ACSM3: variants seen among roughly 807,000 people sequenced by gnomAD.
The protein encoded by ACSM3 is acyl-CoA synthetase medium chain family member 3.
Under a neutral mutation model 74.1 loss-of-function variants are expected in ACSM3, and 61 were observed. The ratio of observed to expected loss-of-function variants is 0.82; its 90% CI spans 0.67 to 1.02. ACSM3 has a LOEUF of 1.02. Among genes scored for constraint, ACSM3 ranks in the 50% least tolerant of loss-of-function variants. The probability of loss-of-function intolerance (pLI) is 0.00; values close to 1 mark genes in which losing one functional copy is unlikely to be tolerated. For synonymous variants in ACSM3, 213 were observed against 241.5 expected (o/e 0.88, Z 1.09); for missense variants, 660 against 697.0 (o/e 0.95, Z 0.60).
intron 7 of ACSM3, among the ~76,000 whole-genome samples, chr16:20,782,075 C>A (rs2080364370): frequency 6.6e-6 from 1 of 152,168 alleles, no homozygotes; most frequent in Admixed American, 6.5e-5. Context: ...ATGGCTTTCT[C>A]TGAGCTGAGA....
At chr16:20,714,464 G>C (rs1689923542) in intron 1 of ACSM3, among the ~76,000 whole-genome samples, 1 of 152,130 alleles carries the variant, frequency 6.6e-6, no homozygotes, top group South Asian at 2.1e-4. Flanking sequence ...GCTATGTAGA[G>C]GATTAGTTTG....
chr16:20,682,499 T>C (rs1390091929), intron 1 of ACSM3: 1 of 1,566,806 alleles, frequency 6.4e-7, no homozygotes, highest in Non-Finnish European at 8.8e-7. Flanking sequence ...TTTTGGTTTC[T>C]TTTTCACAAC....
At chr16:20,771,110 G>A (rs968252308) in intron 2 of ACSM3, among the ~76,000 whole-genome samples, 2 of 152,172 alleles carry the variant, frequency 1.3e-5, no homozygotes, top group African/African-American at 2.4e-5. Context: ...TTTTCAGGCT[G>A]GAGTGCGGTG....
At chr16:20,735,436 G>C (rs1422450396) in intron 1 of ACSM3, 1 of 146,358 alleles carries the variant, frequency 6.8e-6, no homozygotes, top group African/African-American at 2.5e-5. Context: ...AACCAGTTTT[G>C]TAACATTATT....
intron 1 of ACSM3, chr16:20,680,037 A>C (rs2079406921): frequency 6.6e-6 from 1 of 152,240 alleles, no homozygotes; most frequent in African/African-American, 2.4e-5. Flanking sequence ...AAGCATCTGT[A>C]CAAAGAACCA....
intron 1 of ACSM3, among the ~76,000 whole-genome samples, chr16:20,744,858 G>A (rs1469190577): frequency 2.6e-5 from 4 of 152,350 alleles, no homozygotes; most frequent in Non-Finnish European, 4.4e-5. Flanking sequence ...GGGCCTGCCT[G>A]ATTTGAGAAT....
chr16:20,776,608 C>T (rs958596878), intron 3 of ACSM3, among the ~76,000 whole-genome samples: 1 of 152,164 alleles, frequency 6.6e-6, no homozygotes, highest in African/African-American at 2.4e-5. Context: ...GAGCACTGTT[C>T]TAAGTTCTTT....
At position 20,797,573 on chromosome 16, in the gene ACSM3, T is replaced by C. The variant is rs1244213670; in HGVS notation, c.*601T>C. On this transcript the variant is annotated 3_prime_UTR_variant, in exon 14 of 14. Transcript: ENST00000289416. ...TATATGTAATCTAATAAATACTGTT[T>C]ACAAAAGATTACACTTGTGGTTCCT... 7.7e-7 allele frequency: 1 copy of C among 1,292,640 alleles called. No homozygotes were observed. The highest frequency in any genetic ancestry group is 1.5e-5 in the African/African-American group (1 of 65,506). The allele number at this position is 1,292,640 out of a possible 1,614,324, so 80.1% of individuals were successfully genotyped here.
At chr16:20,705,133 G>A (rs1377909063) in intron 1 of ACSM3, among the ~76,000 whole-genome samples, 3 of 152,178 alleles carry the variant, frequency 2.0e-5, no homozygotes, top group Non-Finnish European at 4.4e-5. Context: ...AGCACTTTGG[G>A]AGGCCGAGGC....
At chr16:20,791,383 T>C (rs1171439224) in intron 10 of ACSM3, among the ~76,000 whole-genome samples, 3 of 152,210 alleles carry the variant, frequency 2.0e-5, no homozygotes, top group Non-Finnish European at 4.4e-5. Flanking sequence ...CCTACCAGCA[T>C]TATCTATTAA....
intron 1 of ACSM3, among the ~76,000 whole-genome samples, chr16:20,689,784 G>A (rs546996913): frequency 6.6e-6 from 1 of 151,986 alleles, no homozygotes; most frequent in Non-Finnish European, 1.5e-5. Context: ...TCCAGTCTGG[G>A]CAATGAAAAA....
chr16:20,792,307 T>C lies in ACSM3; in HGVS notation c.1526T>C (p.Val509Ala). ...CCTTCAGTTGCAGAGTCAGCTGTTG[T>C]CAGCAGCCCAGACCCCATCAGAGGA... ...EHPSVAESAV[V>A]SSPDPIRGEV... Residue 509 changes from valine to alanine, a missense_variant, in exon 12 of 14, where the codon GTC becomes GCC. Coordinates refer to ENST00000289416, the MANE Select transcript of ACSM3 (RefSeq NM_005622.4). 1 of 1,614,100 alleles carries C rather than the reference T, an allele frequency of 6.2e-7. No homozygotes were observed. Among genetic ancestry groups the C allele is most frequent in the Non-Finnish European group, 8.5e-7 (1 of 1,179,940 alleles).
rs1372740283 is a variant in ACSM3, at chr16:20,785,119, C to T, written c.1143+12C>T. 6.2e-7 allele frequency: 1 copy of T among 1,612,336 alleles called. No homozygotes were observed. The highest frequency in any genetic ancestry group is 8.5e-7 in the Non-Finnish European group (1 of 1,179,098). On this transcript the variant is annotated intron_variant, in intron 8 of 13. Transcript: ENST00000289416. The stretch of plus-strand genomic sequence containing the variant: ...GACAGACTGAAACGGTACCTGACCT[C>T]ACTGAAAAGACATAGCTGGATTCCA...
chr16:20,689,496 A>C (rs1198895456), intron 1 of ACSM3, among the ~76,000 whole-genome samples: 1 of 152,164 alleles, frequency 6.6e-6, no homozygotes, highest in East Asian at 1.9e-4. Context: ...TAAACTCCCC[A>C]GTCAAAAGAC....
At chr16:20,699,693 T>C (rs2079708120) in intron 1 of ACSM3, among the ~76,000 whole-genome samples, 1 of 152,140 alleles carries the variant, frequency 6.6e-6, no homozygotes, top group African/African-American at 2.4e-5. Flanking sequence ...ATCTGAGTAG[T>C]TCTCCCCTGT....
At chr16:20,718,546 ATG>A (rs1299685344) in intron 1 of ACSM3, 11 of 261,676 alleles carry the variant, frequency 4.2e-5, no homozygotes, top group Non-Finnish European at 5.9e-5. Context: ...AGCTGCCAAT[ATG>A]TGTATCCAAC....
At chr16:20,710,882 C>T (rs1307539552) in intron 1 of ACSM3, among the ~76,000 whole-genome samples, 1 of 152,060 alleles carries the variant, frequency 6.6e-6, no homozygotes, top group Admixed American at 6.6e-5. Context: ...GTCAGGAGTT[C>T]GACACCAGCC....
At chr16:20,743,376 T>C (rs930485721) in intron 1 of ACSM3, among the ~76,000 whole-genome samples, 2 of 152,224 alleles carry the variant, frequency 1.3e-5, no homozygotes, top group African/African-American at 2.4e-5. Context: ...TTGGCTGGTG[T>C]TGTTTCATGC....
At chr16:20,684,288 G>A (rs772133136) in intron 1 of ACSM3, among the ~76,000 whole-genome samples, 1 of 152,178 alleles carries the variant, frequency 6.6e-6, no homozygotes, top group Non-Finnish European at 1.5e-5. Flanking sequence ...GTGAAAGAAT[G>A]TTAGGGAATA....
Sources: gnomAD v4.1 joint callset for allele counts (sites outside exome capture counted in the v4.1 genomes callset) on GRCh38, gnomAD v4.1.1 for gene constraint, MANE v1.5 for transcripts, NCBI Gene and HGNC (gene_info 2026-07-23, HGNC 2026-07-21) for gene names.